Variants in NAA50 observed in about 807,000 individuals in gnomAD.
NAA50 encodes the protein N-alpha-acetyltransferase 50, NatE catalytic subunit, also known as N-alpha-acetyltransferase 50.
NAA50 carries 7 observed loss-of-function variants against 20.7 expected under a neutral mutation model. That is an observed-to-expected ratio of 0.34 (90% confidence interval 0.19 to 0.63). The LOEUF is 0.63. Among genes scored for constraint, NAA50 ranks in the 30% least tolerant of loss-of-function variants. The pLI is 0.75. For missense variants in NAA50, 111 were observed against 199.1 expected, an observed-to-expected ratio of 0.56 and a Z score of 2.66; for synonymous variants, 54 against 70.6, an observed-to-expected ratio of 0.77 and a Z score of 1.18.
chr3:113,730,745 C>T (rs933084609), intron 1 of NAA50, among the ~76,000 whole-genome samples: 5 of 152,160 alleles, frequency 3.3e-5, no homozygotes, highest in South Asian at 2.1e-4. Flanking sequence ...AGACTCACCC[C>T]GGTGTTGTGC....
Position 113,722,980 on chromosome 3 carries a change from T to C in NAA50, c.266-8A>G, listed in dbSNP as rs1708155492. Reference sequence around the variant, plus strand: ...GATTTAACATTTTAGTTCCTGTTAATAAAATAAATAACAAACACGTGACTT... The same window carrying C: ...GATTTAACATTTTAGTTCCTGTTAACAAAATAAATAACAAACACGTGACTT... On this transcript the variant is annotated splice_polypyrimidine_tract_variant and splice_region_variant and intron_variant, in intron 3 of 4. Transcript: ENST00000240922. 7 of 1,517,686 alleles carry C rather than the reference T, an allele frequency of 4.6e-6. No homozygotes were observed. The highest frequency in any genetic ancestry group is 5.3e-6 in the Non-Finnish European group (6 of 1,123,080). The allele number at this position is 1,517,686 out of a possible 1,614,324, so 94.0% of individuals were successfully genotyped here.
intron 4 of NAA50, among the ~76,000 whole-genome samples, chr3:113,722,215 C>T (rs1274535765): frequency 6.6e-6 from 1 of 151,930 alleles, no homozygotes; most frequent in Non-Finnish European, 1.5e-5. Flanking sequence ...AATTTTTTCA[C>T]TGTAAGAGGA....
At chr3:113,734,415 C>T (rs760016463) in intron 1 of NAA50, among the ~76,000 whole-genome samples, 2 of 152,050 alleles carry the variant, frequency 1.3e-5, no homozygotes, top group Non-Finnish European at 2.9e-5. Context: ...GCAACACACC[C>T]ACGTAACAAA....
chr3:113,737,591 CT>C (rs1708360686), intron 1 of NAA50, among the ~76,000 whole-genome samples: 1 of 152,206 alleles, frequency 6.6e-6, no homozygotes, highest in East Asian at 1.9e-4. Flanking sequence ...AACTATAAGA[CT>C]TAGGGCAGGA....
In NAA50 at chr3:113,723,920, A is replaced by G. The variant is rs899965324; in HGVS notation, c.145+39T>C. On this transcript the variant is annotated intron_variant, in intron 2 of 4. Coordinates refer to ENST00000240922, the MANE Select transcript of NAA50 (RefSeq NM_025146.4). ...AAACTAGGGTTCAAGAACAAAAAGA[A>G]AGAAAAGAAGGGAGGACAAAAAAAA... The G allele has an allele frequency of 6.0e-6, 9 of 1,512,020 alleles. No individual in the cohort carries two copies. In the South Asian group the frequency reaches 1.1e-4, roughly 18 times the overall value. The allele number at this position is 1,512,020 out of a possible 1,614,324, so 93.7% of individuals were successfully genotyped here.
intron 1 of NAA50, among the ~76,000 whole-genome samples, chr3:113,744,829 A>G (rs531927706): frequency 4.9e-4 from 74 of 152,338 alleles, no homozygotes; most frequent in Non-Finnish European, 9.1e-4. Flanking sequence ...AGGAACCTCA[A>G]ATACCGATAC....
rs1708049828 is a variant in NAA50 at position 113,716,460 on chromosome 3, T to C, written c.*5300A>G. The C allele has an allele frequency of 6.6e-6, 1 of 152,232 alleles. No individual in the cohort carries two copies. The highest frequency in any genetic ancestry group is 2.1e-4 in the South Asian group (1 of 4,834). The allele number at this position is 152,232 out of a possible 1,614,324, so 9.4% of individuals were successfully genotyped here. A position where few individuals can be genotyped will look rare whatever the true frequency, so the allele number is the denominator to read the frequency against. On this transcript the variant is annotated 3_prime_UTR_variant, in exon 5 of 5. Coordinates refer to ENST00000240922, the MANE Select transcript of NAA50 (RefSeq NM_025146.4). The stretch of plus-strand genomic sequence containing the variant: ...TCACCTGCATAAGCAATTACACATA[T>C]AGTACCTGACAGTTTTATTATACTT...
At chr3:113,723,696 G>A (rs1176948337) in intron 2 of NAA50, 155 bp from the exon 3 acceptor site, 13 of 980,866 alleles carry the variant, frequency 1.3e-5, no homozygotes, top group Non-Finnish European at 1.7e-5. Context: ...GCCATCTTAG[G>A]AAGTTTAAGC....
chr3:113,727,346 A>T (rs1708212372), intron 1 of NAA50, among the ~76,000 whole-genome samples: 1 of 152,242 alleles, frequency 6.6e-6, no homozygotes, highest in South Asian at 2.1e-4. Context: ...TAAAGTATAA[A>T]TGAAAGAACT....
chr3:113,721,569 T>C lies in NAA50; in HGVS notation c.*191A>G, dbSNP rs1210735634. On this transcript the variant is annotated 3_prime_UTR_variant, in exon 5 of 5. Coordinates refer to ENST00000240922, the MANE Select transcript of NAA50 (RefSeq NM_025146.4). ...ACCTCACAAAAATAAGAGAAAACAA[T>C]TCAAACATGATTATTTTTTTAAAGT... 5 of 641,272 alleles carry C rather than the reference T, an allele frequency of 7.8e-6. No individual in the cohort carries two copies. Among genetic ancestry groups the C allele is most frequent in the Non-Finnish European group, 2.6e-6 (1 of 378,498 alleles). 39.7% of individuals were successfully genotyped at this position (641,272 alleles called of 1,614,324 possible).
In NAA50 at chr3:113,720,263, G is replaced by C. The variant is rs977817462; in HGVS notation, c.*1497C>G. ...TTTGTCATTTAACATATTTGGAAAT[G>C]AGACTTTATACCGCAATTTTACATA... is the stretch of plus-strand genomic sequence containing the variant. On this transcript the variant is annotated 3_prime_UTR_variant, in exon 5 of 5. Transcript: ENST00000240922. 1 of 152,390 alleles carries C rather than the reference G, an allele frequency of 6.6e-6. No individual in the cohort carries two copies. The highest frequency in any genetic ancestry group is 1.5e-5 in the Non-Finnish European group (1 of 68,020). The allele number at this position is 152,390 out of a possible 1,614,324, so 9.4% of individuals were successfully genotyped here. A position where few individuals can be genotyped will look rare whatever the true frequency, so the allele number is the denominator to read the frequency against.
At chr3:113,736,887 G>A (rs1481710081) in intron 1 of NAA50, among the ~76,000 whole-genome samples, 1 of 152,132 alleles carries the variant, frequency 6.6e-6, no homozygotes, top group Non-Finnish European at 1.5e-5. Context: ...AAAGCTTAAA[G>A]CCTGTTTATA....
intron 1 of NAA50, among the ~76,000 whole-genome samples, chr3:113,737,820 A>G (rs1708366473): frequency 6.6e-6 from 1 of 152,112 alleles, no homozygotes; most frequent in Admixed American, 6.5e-5. Flanking sequence ...GACAACCAAA[A>G]GTGTCTTCAG....
In NAA50 at chr3:113,723,947, A is replaced by C. The variant is rs759302882; in HGVS notation, c.145+12T>G. ...GAAAAGAAGGGAGGACAAAAAAAAAACTATATTATACCAAGTTTTGCTAGC... is the reference window on the plus strand; with the variant it reads ...GAAAAGAAGGGAGGACAAAAAAAAACCTATATTATACCAAGTTTTGCTAGC... On this transcript the variant is annotated intron_variant, in intron 2 of 4. Transcript: ENST00000240922. The C allele has an allele frequency of 3.8e-5, 59 of 1,539,902 alleles. No homozygotes were observed. Among genetic ancestry groups the C allele is most frequent in the Admixed American group, 1.5e-4 (7 of 46,968 alleles).
intron 1 of NAA50, chr3:113,724,746 TCCCATGTTGTGAGAGGGA>T (rs1267230758): frequency 2.0e-5 from 3 of 152,138 alleles, no homozygotes; most frequent in African/African-American, 7.2e-5. Context: ...TTCCCATAAT[TCCCATGTTGTGAGAGGGA>T]CCCGGCGAAT....
chr3:113,733,842 G>C (rs1257498659), intron 1 of NAA50, among the ~76,000 whole-genome samples: 1 of 96,010 alleles, frequency 1.0e-5, no homozygotes, highest in Non-Finnish European at 1.8e-5. Context: ...GACAGAGCAA[G>C]ACTCTGTCTC....
intron 1 of NAA50, among the ~76,000 whole-genome samples, chr3:113,739,150 A>C (rs1169445079): frequency 6.6e-6 from 1 of 152,260 alleles, no homozygotes; most frequent in Non-Finnish European, 1.5e-5. Context: ...CAAAATGTGA[A>C]TATTTACTCA....
chr3:113,725,107 G>A (rs895168225), intron 1 of NAA50, among the ~76,000 whole-genome samples: 3 of 152,202 alleles, frequency 2.0e-5, no homozygotes, highest in Non-Finnish European at 4.4e-5. Flanking sequence ...AAAGATTAAA[G>A]CGAAAAATTT....
intron 1 of NAA50, among the ~76,000 whole-genome samples, chr3:113,741,582 G>A (rs2566972): frequency 0.024 from 3,712 of 152,298 alleles, 111 homozygotes; most frequent in South Asian, 0.071. Context: ...AGGAGTCCCA[G>A]TAACACTTCC....
Sources: gnomAD v4.1 joint callset for allele counts (sites outside exome capture counted in the v4.1 genomes callset) on GRCh38, gnomAD v4.1.1 for gene constraint, MANE v1.5 for transcripts, NCBI Gene and HGNC (gene_info 2026-07-23, HGNC 2026-07-21) for gene names.